The following VRK2 variants were observed in gnomAD, a reference collection of about 807,000 sequenced individuals.
The protein encoded by VRK2 is VRK serine/threonine kinase 2.
A neutral mutation model predicts 57.6 loss-of-function variants in VRK2; 60 were observed. That is an observed-to-expected ratio of 1.04 (90% CI 0.85 to 1.29). The LOEUF is 1.29. Ranked by LOEUF, VRK2 falls within the 50% of genes most tolerant of loss-of-function variation. VRK2 has a pLI of 0.00. For missense variants in VRK2, 705 were observed against 588.1 expected, an observed-to-expected ratio of 1.20 and a Z score of -2.06; for synonymous variants, 231 against 199.2, an observed-to-expected ratio of 1.16 and a Z score of -1.35.
intron 11 of VRK2, 25 bp downstream of exon 11, chr2:58,139,857 C>G: frequency 6.4e-7 from 1 of 1,569,998 alleles, no homozygotes; most frequent in South Asian, 1.2e-5. Context: ...CCCTGCTATC[C>G]TATGATTACC....
chr2:58,140,281 AAG>A (rs1681138055), intron 11 of VRK2, among the ~76,000 whole-genome samples: 1 of 152,084 alleles, frequency 6.6e-6, no homozygotes, highest in Admixed American at 6.6e-5. Context: ...CAGAAAATAA[AAG>A]AGTTTATGCC....
chr2:58,136,957 G>GTA (rs929724086), intron 10 of VRK2, among the ~76,000 whole-genome samples: 4 of 127,860 alleles, frequency 3.1e-5, no homozygotes, highest in Non-Finnish European at 4.7e-5. Flanking sequence ...TCATATATGT[G>GTA]TATATATATC....
intron 7 of VRK2, among the ~76,000 whole-genome samples, chr2:58,120,208 T>TTTTTTTTTTTTTTTTTTTTTA (rs1491130818): frequency 7.9e-6 from 1 of 126,970 alleles, no homozygotes; most frequent in Admixed American, 8.5e-5. Context: ...TTTTTTTTTT[T>TTTTTTTTTTTTTTTTTTTTTA]GAGACAGAGT....
At chr2:58,150,323 T>A (rs1573415221) in intron 12 of VRK2, among the ~76,000 whole-genome samples, 1 of 151,400 alleles carries the variant, frequency 6.6e-6, no homozygotes, top group Non-Finnish European at 1.5e-5. Context: ...TTTTCTTGGG[T>A]CAGTTTTATA....
chr2:58,085,114 T>C (rs1178687888), intron 4 of VRK2, 164 bp downstream of exon 4: 1 of 207,982 alleles, frequency 4.8e-6, no homozygotes, highest in African/African-American at 2.4e-5. Context: ...AGACAGATGG[T>C]ATACAAATCT....
Position 58,159,808 on chromosome 2 carries a change from A to G in VRK2, c.*115A>G. 1.2e-6 allele frequency: 2 copies of G among 1,612,578 alleles called. No homozygotes were observed. Among genetic ancestry groups the G allele is most frequent in the Non-Finnish European group, 1.7e-6 (2 of 1,179,404 alleles). On this transcript the variant is annotated 3_prime_UTR_variant, in exon 13 of 13. Coordinates refer to ENST00000340157, the MANE Select transcript of VRK2 (RefSeq NM_006296.7). Reference sequence around the variant, plus strand: ...CATTTTTAAGGTAATTGGCTTTAAAAAGAGAACATATTTTAACAAAGTTTG... The same window carrying G: ...CATTTTTAAGGTAATTGGCTTTAAAGAGAGAACATATTTTAACAAAGTTTG...
chr2:58,017,977 A>G (rs866780801), intron 1 of VRK2: 13 of 152,158 alleles, frequency 8.5e-5, no homozygotes, highest in African/African-American at 2.7e-4. Flanking sequence ...TGAATATTAG[A>G]AAATATATTT....
intron 1 of VRK2, among the ~76,000 whole-genome samples, chr2:57,941,721 G>A (rs1401100): frequency 2.0e-5 from 3 of 152,054 alleles, no homozygotes; most frequent in Admixed American, 6.5e-5. Context: ...TTGCATTATT[G>A]CTGCTGTTAA....
At chr2:58,137,975 C>G in intron 10 of VRK2, among the ~76,000 whole-genome samples, 1 of 152,134 alleles carries the variant, frequency 6.6e-6, no homozygotes, top group African/African-American at 2.4e-5. Context: ...TTTTCTCCCC[C>G]TCCTACCTCA....
chr2:57,914,395 T>C (rs1007300329), intron 1 of VRK2, among the ~76,000 whole-genome samples: 1 of 152,068 alleles, frequency 6.6e-6, no homozygotes, highest in African/African-American at 2.4e-5. Flanking sequence ...GGACTAATAA[T>C]ATAACTCTAT....
chr2:58,137,359 T>C (rs546690167), intron 10 of VRK2, among the ~76,000 whole-genome samples: 6 of 151,250 alleles, frequency 4.0e-5, no homozygotes, highest in African/African-American at 1.5e-4. Flanking sequence ...ATGCCCTGAA[T>C]TGTACAAGAC....
chr2:57,922,420 G>GCTAA (rs10694743), intron 1 of VRK2, among the ~76,000 whole-genome samples: 90,631 of 150,436 alleles, frequency 0.6, 27,357 homozygotes, highest in African/African-American at 0.67. Flanking sequence ...CCACAATCAC[G>GCTAA]CTAACATAAC....
chr2:57,949,518 G>A (rs1357473766), intron 1 of VRK2, among the ~76,000 whole-genome samples: 1 of 152,082 alleles, frequency 6.6e-6, no homozygotes, highest in African/African-American at 2.4e-5. Context: ...TACATAAAGT[G>A]GCAAACTTAA....
intron 1 of VRK2, among the ~76,000 whole-genome samples, chr2:58,002,204 G>A (rs1368127094): frequency 6.6e-6 from 1 of 152,056 alleles, no homozygotes; most frequent in Non-Finnish European, 1.5e-5. Flanking sequence ...GTAAAGGCTG[G>A]GCGTGGTGGT....
intron 1 of VRK2, among the ~76,000 whole-genome samples, chr2:57,986,596 ATTT>A (rs11452161): frequency 2.4e-5 from 3 of 124,534 alleles, no homozygotes; most frequent in African/African-American, 8.9e-5. Context: ...AGTTCAATCG[ATTT>A]TTTTTTTTTT....
chr2:58,093,267 T>C (rs1427176990), intron 7 of VRK2, among the ~76,000 whole-genome samples: 1 of 152,240 alleles, frequency 6.6e-6, no homozygotes, highest in Non-Finnish European at 1.5e-5. Flanking sequence ...TGAACTAGTT[T>C]ACAGTCCCAC....
At chr2:58,065,908 TTAG>T (rs1310088613) in intron 2 of VRK2, among the ~76,000 whole-genome samples, 2 of 152,124 alleles carry the variant, frequency 1.3e-5, no homozygotes, top group African/African-American at 4.8e-5. Flanking sequence ...CATTTGTACA[TTAG>T]TAGTATATTA....
At chr2:58,146,513 G>A in intron 12 of VRK2, 39 bp downstream of exon 12, 2 of 1,583,202 alleles carry the variant, frequency 1.3e-6, no homozygotes, top group Non-Finnish European at 8.6e-7. Flanking sequence ...CTAACTTAAT[G>A]TTACATTAGA....
chr2:58,137,000 C>G (rs1267269024), intron 10 of VRK2, among the ~76,000 whole-genome samples: 5 of 124,182 alleles, frequency 4.0e-5, no homozygotes, highest in Admixed American at 8.8e-5. Context: ...GTGTATATAT[C>G]ATATATATTA....
Sources: allele counts gnomAD v4.1 joint callset (sites outside exome capture counted in the v4.1 genomes callset), GRCh38; gene constraint gnomAD v4.1.1; transcripts MANE v1.5; gene names NCBI Gene and HGNC (gene_info 2026-07-23, HGNC 2026-07-21).